Variants in INTS4 observed in about 807,000 individuals in gnomAD.
INTS4 encodes the protein MSTP093.
Under a neutral mutation model 119.5 loss-of-function variants are expected in INTS4, and 70 were observed. The ratio of observed to expected loss-of-function variants is 0.59; its 90% CI spans 0.48 to 0.71. The LOEUF (loss-of-function observed/expected upper bound fraction) is 0.71, where lower values mean the gene tolerates loss of function less well. INTS4 is among the 30% of genes least tolerant of loss of function. The pLI is 0.00. For missense variants in INTS4, 867 were observed against 1,173.2 expected, an observed-to-expected ratio of 0.74 and a Z score of 3.81; for synonymous variants, 316 against 419.6, an observed-to-expected ratio of 0.75 and a Z score of 3.02.
chr11:77,950,191 G>C (rs538091947), intron 8 of INTS4, among the ~76,000 whole-genome samples: 2 of 149,700 alleles, frequency 1.3e-5, no homozygotes, highest in East Asian at 2.0e-4. Flanking sequence ...CACAAGGAGG[G>C]AAACATCACA....
chr11:77,911,925 G>A (rs1953096064), intron 15 of INTS4, among the ~76,000 whole-genome samples: 1 of 152,138 alleles, frequency 6.6e-6, no homozygotes, highest in Admixed American at 6.5e-5. Flanking sequence ...AACAAAACAG[G>A]ACATGAACTA....
At chr11:77,948,798 A>C (rs187306157) in intron 8 of INTS4, among the ~76,000 whole-genome samples, 5 of 152,048 alleles carry the variant, frequency 3.3e-5, no homozygotes, top group African/African-American at 1.2e-4. Flanking sequence ...AAAGAAAAAA[A>C]AAAAAAGGTA....
At chr11:77,920,206 C>CACATATATACACATATATAT (rs1555026387) in intron 14 of INTS4, among the ~76,000 whole-genome samples, 1 of 88,958 alleles carries the variant, frequency 1.1e-5, no homozygotes, top group African/African-American at 4.2e-5. Flanking sequence ...CATATATATA[C>CACATATATACACATATATAT]ACACATATAT....
chr11:77,928,115 C>T (rs905320671), intron 11 of INTS4, among the ~76,000 whole-genome samples: 2 of 152,188 alleles, frequency 1.3e-5, no homozygotes, highest in Admixed American at 6.5e-5. Flanking sequence ...AGGTTAGACA[C>T]TATGTATTCC....
intron 10 of INTS4, among the ~76,000 whole-genome samples, chr11:77,933,661 A>T (rs1200270247): frequency 2.6e-5 from 4 of 151,782 alleles, no homozygotes; most frequent in African/African-American, 9.7e-5. Context: ...CTGGGAAGTG[A>T]AGAGCGTCTC....
At chr11:77,970,742 T>A (rs1223290138) in intron 4 of INTS4, among the ~76,000 whole-genome samples, 1 of 152,018 alleles carries the variant, frequency 6.6e-6, no homozygotes, top group African/African-American at 2.4e-5. Flanking sequence ...GGCAGGAGGA[T>A]CACTTGAGCC....
At position 77,958,727 on chromosome 11, in the gene INTS4, A is replaced by C. The variant is rs776540770; in HGVS notation, c.797+19T>G. 2.9e-5 allele frequency: 44 copies of C among 1,526,436 alleles called. No homozygotes were observed. The East Asian group carries it at 9.7e-4, about 34-fold the overall frequency. 94.6% of individuals were successfully genotyped at this position (1,526,436 alleles called of 1,614,324 possible). A position where few individuals can be genotyped will look rare whatever the true frequency, so the allele number is the denominator to read the frequency against. The stretch of plus-strand genomic sequence containing the variant: ...AACGGCTTCACAATCAACAAAAGCC[A>C]GCTTACACCCACACTGACCTTTCAG... On this transcript the variant is annotated intron_variant, in intron 7 of 22. Transcript: ENST00000534064.
intron 4 of INTS4, among the ~76,000 whole-genome samples, chr11:77,975,561 C>T (rs999370114): frequency 6.6e-5 from 10 of 151,508 alleles, no homozygotes; most frequent in African/African-American, 1.9e-4. Flanking sequence ...GCAATAGAAA[C>T]AGCGGTTGTA....
downstream of INTS4, chr11:77,877,102 C>G (rs1015062130): frequency 2.9e-6 from 2 of 698,708 alleles, no homozygotes; most frequent in African/African-American, 1.7e-5. Context: ...TTCCCCTAGT[C>G]CCTCTTTCGC....
chr11:77,922,673 A>T (rs1159243330), intron 12 of INTS4: 1 of 764,216 alleles, frequency 1.3e-6, no homozygotes, highest in Admixed American at 3.0e-5. Flanking sequence ...TATTATAAAG[A>T]TAAAAGAACT....
chr11:77,957,319 C>T (rs1489865498), intron 7 of INTS4, among the ~76,000 whole-genome samples: 2 of 151,732 alleles, frequency 1.3e-5, no homozygotes, highest in Admixed American at 6.6e-5. Flanking sequence ...GATACTGAGG[C>T]GGGCAGATTA....
chr11:77,877,087 C>A, downstream of INTS4: 1 of 701,404 alleles, frequency 1.4e-6, no homozygotes, highest in South Asian at 1.5e-5. Context: ...TGGAGTTAAT[C>A]ATTCTTCCCC....
At chr11:77,884,089 G>T in intron 21 of INTS4, 137 bp from the exon 22 acceptor site, 2 of 777,424 alleles carry the variant, frequency 2.6e-6, no homozygotes, top group Non-Finnish European at 4.1e-6. Context: ...CTTGGGGGTA[G>T]GTCAACACTG....
intron 2 of INTS4, among the ~76,000 whole-genome samples, chr11:77,982,013 G>A (rs766429966): frequency 5.9e-5 from 9 of 152,102 alleles, no homozygotes; most frequent in Non-Finnish European, 1.3e-4. Flanking sequence ...ACAAGTCAGA[G>A]CAACTTGCAC....
chr11:77,946,676 A>G, intron 8 of INTS4, among the ~76,000 whole-genome samples: 1 of 151,772 alleles, frequency 6.6e-6, no homozygotes, highest in Middle Eastern at 3.2e-3. Flanking sequence ...TGGGAGGATC[A>G]CTTAAACCCA....
intron 8 of INTS4, among the ~76,000 whole-genome samples, chr11:77,943,738 A>C (rs1338693371): frequency 6.6e-6 from 1 of 152,142 alleles, no homozygotes; most frequent in Admixed American, 6.6e-5. Context: ...CACTGAGAAA[A>C]CCATTTCACT....
At chr11:77,930,655 G>C (rs1354186964) in intron 10 of INTS4, among the ~76,000 whole-genome samples, 3 of 152,140 alleles carry the variant, frequency 2.0e-5, no homozygotes, top group African/African-American at 7.2e-5. Flanking sequence ...CTATAAGCAA[G>C]AAAATTGATA....
chr11:77,979,326 A>C (rs1856095594), intron 3 of INTS4, among the ~76,000 whole-genome samples: 1 of 151,976 alleles, frequency 6.6e-6, no homozygotes, highest in Non-Finnish European at 1.5e-5. Context: ...ATCTGAAAAA[A>C]TGAGTCAGCC....
At chr11:77,940,145 G>A (rs7946876) in intron 9 of INTS4, among the ~76,000 whole-genome samples, 18,558 of 152,116 alleles carry the variant, frequency 0.12, 1,282 homozygotes, top group East Asian at 0.22. Context: ...AGAGGCATTT[G>A]GGGCCGGGCA....
Sources: allele counts gnomAD v4.1 joint callset (sites outside exome capture counted in the v4.1 genomes callset), GRCh38; gene constraint gnomAD v4.1.1; transcripts MANE v1.5; gene names NCBI Gene and HGNC (gene_info 2026-07-23, HGNC 2026-07-21).